Variants in MAPK8IP3 observed in about 807,000 individuals in gnomAD.
MAPK8IP3 encodes the protein mitogen-activated protein kinase 8 interacting protein 3.
MAPK8IP3 carries 49 observed loss-of-function variants against 157.8 expected under a neutral mutation model. The observed-to-expected ratio is 0.31, with a 90% CI of 0.25 to 0.39. The LOEUF (loss-of-function observed/expected upper bound fraction) is 0.39. Among genes scored for constraint, MAPK8IP3 ranks in the 10% least tolerant of loss-of-function variants. The pLI is 1.00. For synonymous variants in MAPK8IP3, 897 were observed against 777.7 expected (o/e 1.15, Z -2.55); for missense variants, 1,478 against 1,889.4 (o/e 0.78, Z 4.04).
At chr16:1,730,042 T>TA (rs2039195290) in intron 4 of MAPK8IP3, among the ~76,000 whole-genome samples, 1 of 25,406 alleles carries the variant, frequency 3.9e-5, no homozygotes, top group African/African-American at 1.7e-4. Flanking sequence ...ATCTTGTCTC[T>TA]ACAAAAAAAA....
intron 4 of MAPK8IP3, among the ~76,000 whole-genome samples, chr16:1,736,357 T>TGTGAGC (rs1363099208): frequency 1.3e-5 from 1 of 77,656 alleles, no homozygotes. Flanking sequence ...TGACCGTCCG[T>TGTGAGC]GTGTGACCGT....
chr16:1,763,708 G>C lies in MAPK8IP3; in HGVS notation c.1950G>C (p.Gln650His). The change falls in exon 17 of 32, where the codon CAG becomes CAC. Residue 650 changes from glutamine to histidine, a missense_variant. Around this residue, in one of 11 missense-constraint regions of MAPK8IP3, gnomAD observed 669 missense variants for 759.8 expected, o/e 0.88. Coordinates refer to ENST00000610761, the MANE Select transcript of MAPK8IP3 (RefSeq NM_001318852.2). ...RREQKREQYR[Q>H]VREHVRNDDG... ...AGCAGAAGCGCGAGCAGTACCGCCA[G>C]GTGCGTGAGCACGTGCGTAACGACG... 6.3e-7 allele frequency: 1 copy of C among 1,597,220 alleles called. No individual in the cohort carries two copies. The highest frequency in any genetic ancestry group is 8.5e-7 in the Non-Finnish European group (1 of 1,171,042).
chr16:1,720,022 C>T (rs1037312419), intron 1 of MAPK8IP3, among the ~76,000 whole-genome samples: 13 of 152,136 alleles, frequency 8.5e-5, no homozygotes, highest in African/African-American at 2.4e-4. Context: ...TATACAAAGA[C>T]GTGTGTGCAC....
rs538762758 is a variant in MAPK8IP3 at position 1,743,206 on chromosome 16, G to T, written c.603-126G>T. The T allele has an allele frequency of 3.0e-6, 4 of 1,348,774 alleles. No individual in the cohort carries two copies. Among genetic ancestry groups the T allele is most frequent in the Non-Finnish European group, 1.9e-6 (2 of 1,039,456 alleles). The allele number at this position is 1,348,774 out of a possible 1,614,324, so 83.6% of individuals were successfully genotyped here. A position where few individuals can be genotyped will look rare whatever the true frequency, so the allele number is the denominator to read the frequency against. ...TAGGATCATAACTGAGTAGCTGCTC[G>T]AGCTGGGCTGCTGGCTGGCATGGAG... On this transcript the variant is annotated intron_variant, in intron 4 of 31. Coordinates refer to ENST00000610761, the MANE Select transcript of MAPK8IP3 (RefSeq NM_001318852.2). This position sits in a 1 kb window ranked among gnomAD's most constrained non-coding sequence, Gnocchi z 5.6.
Position 1,751,430 on chromosome 16 carries a change from G to C in MAPK8IP3, c.1216+2710G>C, listed in dbSNP as rs2041281359. 1 of 152,028 alleles carries C rather than the reference G, an allele frequency of 6.6e-6. No homozygotes were observed. The highest frequency in any genetic ancestry group is 1.5e-5 in the Non-Finnish European group (1 of 67,986). 9.4% of individuals were successfully genotyped at this position (152,028 alleles called of 1,614,324 possible). ...GCTGAGATCGCACCATTGCACTCCAGCCTGGGTGACAGGGAGAGGGACTCT... is the reference window on the plus strand; with the variant it reads ...GCTGAGATCGCACCATTGCACTCCACCCTGGGTGACAGGGAGAGGGACTCT... On this transcript the variant is annotated intron_variant, in intron 8 of 31. Coordinates refer to ENST00000610761, the MANE Select transcript of MAPK8IP3 (RefSeq NM_001318852.2). The surrounding 1 kb of genome is among the most constrained non-coding windows in gnomAD (Gnocchi z 5.0).
At chr16:1,709,402 G>T (rs1004831153) in intron 1 of MAPK8IP3, among the ~76,000 whole-genome samples, 1 of 152,196 alleles carries the variant, frequency 6.6e-6, no homozygotes, top group Non-Finnish European at 1.5e-5. Flanking sequence ...AGTGGCCGCG[G>T]ACTTTGCAAG....
chr16:1,713,158 A>T (rs562175135), intron 1 of MAPK8IP3, among the ~76,000 whole-genome samples: 5 of 152,272 alleles, frequency 3.3e-5, no homozygotes, highest in African/African-American at 1.2e-4. Flanking sequence ...GAAATGTTGT[A>T]TTTGGTGCTG....
intron 1 of MAPK8IP3, among the ~76,000 whole-genome samples, chr16:1,709,598 T>C (rs997931645): frequency 1.9e-4 from 29 of 152,228 alleles, no homozygotes; most frequent in African/African-American, 6.0e-4. Flanking sequence ...CAGGCTCTGA[T>C]ACAAAGTTTT....
At chr16:1,735,880 ATC>A (rs950094860) in intron 4 of MAPK8IP3, among the ~76,000 whole-genome samples, 22 of 112,726 alleles carry the variant, frequency 2.0e-4, no homozygotes, top group African/African-American at 7.0e-4. Flanking sequence ...TCCATGGAGC[ATC>A]TGTGTGACTG....
intron 10 of MAPK8IP3, among the ~76,000 whole-genome samples, chr16:1,759,527 G>A (rs540587254): frequency 2.0e-5 from 3 of 152,110 alleles, no homozygotes; most frequent in Admixed American, 2.0e-4. Context: ...TCACAGCCGC[G>A]CCCCATCGCC....
At position 1,706,848 on chromosome 16, in the gene MAPK8IP3, C is replaced by G. The variant is rs1408281137; in HGVS notation, c.318+191C>G. Among the ~76,000 whole-genome samples the G allele has an allele frequency of 6.7e-6, 1 of 148,672 alleles. No homozygotes were observed. The highest frequency in any genetic ancestry group is 1.5e-5 in the Non-Finnish European group (1 of 66,696). The stretch of plus-strand genomic sequence containing the variant: ...CCCCGCCCCGGGACTTCCCCACCCC[C>G]TCTGCCCGCCGTGAGACACCTCCCT... On this transcript the variant is annotated intron_variant, in intron 1 of 31. Coordinates refer to ENST00000610761, the MANE Select transcript of MAPK8IP3 (RefSeq NM_001318852.2). This position sits in a 1 kb window ranked among gnomAD's most constrained non-coding sequence, Gnocchi z 5.1.
At chr16:1,762,802 C>A in intron 15 of MAPK8IP3, 34 bp from the exon 16 acceptor site, 2 of 1,604,878 alleles carry the variant, frequency 1.2e-6, no homozygotes, top group Non-Finnish European at 1.7e-6. Context: ...CCCTGGTCCT[C>A]TGCCCACCCC....
At chr16:1,745,973 A>G (rs1567180703) in intron 5 of MAPK8IP3, 1 of 152,318 alleles carries the variant, frequency 6.6e-6, no homozygotes, top group Non-Finnish European at 1.5e-5. Flanking sequence ...AAAGGCCAGT[A>G]TAAGTCAGCT....
At chr16:1,736,631 CGT>C (rs1472820125) in intron 4 of MAPK8IP3, among the ~76,000 whole-genome samples, 3 of 47,000 alleles carry the variant, frequency 6.4e-5, no homozygotes, top group Non-Finnish European at 1.2e-4. Flanking sequence ...TGTGAGCGTC[CGT>C]GTGAGCGTGT....
intron 4 of MAPK8IP3, among the ~76,000 whole-genome samples, chr16:1,736,200 ATG>A (rs1487821164): frequency 9.6e-5 from 5 of 52,284 alleles, no homozygotes; most frequent in East Asian, 1.2e-3. Context: ...CCGTGTGAGC[ATG>A]TGTGACCATC....
intron 17 of MAPK8IP3, 113 bp downstream of exon 17, chr16:1,763,896 G>A (rs1307445365): frequency 1.0e-6 from 1 of 979,602 alleles, no homozygotes; most frequent in Non-Finnish European, 1.4e-6. Context: ...GGGTGGGAGA[G>A]GACGGCGGGT....
In MAPK8IP3 at chr16:1,724,602, C is replaced by T; in HGVS notation, c.364C>T (p.Leu122=). The T allele has an allele frequency of 6.2e-7, 1 of 1,613,646 alleles. No homozygotes were observed. The highest frequency in any genetic ancestry group is 8.5e-7 in the Non-Finnish European group (1 of 1,179,994). The part of the protein sequence containing the change: ...EDALEQEKKE[L]QIQVEHYEFQ... ...TGCTCTGGAACAAGAGAAGAAAGAG[C>T]TGCAAATCCAGGTGGAGCACTACGA... is the stretch of plus-strand genomic sequence containing the variant. The change falls in exon 2 of 32, where the codon CTG becomes TTG. Residue 122 remains leucine, a synonymous_variant. Transcript: ENST00000610761. The surrounding 1 kb of genome is among the most constrained non-coding windows in gnomAD (Gnocchi z 4.1).
In MAPK8IP3 at chr16:1,728,548, T is replaced by C. The variant is rs61330150; in HGVS notation, c.440-590T>C. Among the ~76,000 whole-genome samples, 331 of 150,386 alleles carry C rather than the reference T, an allele frequency of 2.2e-3. 4 individuals are homozygous for C. Among genetic ancestry groups the C allele is most frequent in the Admixed American group, 1.8e-3 (28 of 15,166 alleles). ...TTAACTCCCAACAGAGCTGAGTGTT[T>C]TCCCATGGCACAGGGCACACACAGC... On this transcript the variant is annotated intron_variant, in intron 2 of 31. Transcript: ENST00000610761.
intron 2 of MAPK8IP3, among the ~76,000 whole-genome samples, chr16:1,725,057 G>A (rs2038779231): frequency 6.6e-6 from 1 of 152,088 alleles, no homozygotes; most frequent in Non-Finnish European, 1.5e-5. Context: ...GGGTGGGCCC[G>A]CTGGTGTAGC....
Sources: allele counts gnomAD v4.1 joint callset (sites outside exome capture counted in the v4.1 genomes callset), GRCh38; gene constraint gnomAD v4.1.1; regional missense constraint gnomAD v4.1.1; non-coding constraint Gnocchi (gnomAD v3.1); transcripts MANE v1.5; gene names NCBI Gene and HGNC (gene_info 2026-07-23, HGNC 2026-07-21).